Variants in ANKS1B observed in about 807,000 individuals in gnomAD.
The protein encoded by ANKS1B is ankyrin repeat and sterile alpha motif domain containing 1B.
A neutral mutation model predicts 148.3 loss-of-function variants in ANKS1B; 36 were observed. The ratio of observed to expected loss-of-function variants is 0.24; its 90% CI spans 0.19 to 0.32. ANKS1B has a LOEUF of 0.32. Among genes scored for constraint, ANKS1B ranks in the 10% least tolerant of loss-of-function variants. The probability of loss-of-function intolerance (pLI) is 1.00; values close to 1 mark genes in which losing one functional copy is unlikely to be tolerated. For synonymous variants in ANKS1B, 542 were observed against 560.8 expected (o/e 0.97, Z 0.47); for missense variants, 1,157 against 1,542.6 (o/e 0.75, Z 4.19).
chr12:98,740,013 A>G (rs2097790221), downstream of ANKS1B, among the ~76,000 whole-genome samples: 1 of 151,922 alleles, frequency 6.6e-6, no homozygotes. Context: ...CTTTTGAACT[A>G]TCCCGAACTT....
At chr12:99,186,679 A>AAAGGAATAGT (rs1374727402) in intron 14 of ANKS1B, among the ~76,000 whole-genome samples, 1 of 152,184 alleles carries the variant, frequency 6.6e-6, no homozygotes, top group African/African-American at 2.4e-5. Context: ...TAACAAACAG[A>AAAGGAATAGT]AAGGAATAGT....
intron 12 of ANKS1B, among the ~76,000 whole-genome samples, chr12:99,386,655 ATTAATGAT>A (rs1440199737): frequency 1.3e-5 from 2 of 152,210 alleles, no homozygotes; most frequent in East Asian, 3.8e-4. Context: ...CTAGAGTGAA[ATTAATGAT>A]TTTGGAAATG....
intron 15 of ANKS1B, among the ~76,000 whole-genome samples, chr12:99,091,638 T>C (rs1274588266): frequency 6.6e-6 from 1 of 152,232 alleles, no homozygotes; most frequent in African/African-American, 2.4e-5. Context: ...TCCAGATGCA[T>C]ATATCTGTAT....
chr12:99,802,431 T>C (rs893385458), intron 4 of ANKS1B, among the ~76,000 whole-genome samples: 2 of 152,152 alleles, frequency 1.3e-5, no homozygotes, highest in Non-Finnish European at 2.9e-5. Context: ...CTTAATATCT[T>C]ACTTTGACTG....
intron 9 of ANKS1B, among the ~76,000 whole-genome samples, chr12:99,613,148 T>C (rs1276800178): frequency 6.6e-6 from 1 of 152,126 alleles, no homozygotes; most frequent in African/African-American, 2.4e-5. Flanking sequence ...GTAATTTCTA[T>C]TGTTGAGTAA....
chr12:99,581,182 C>T (rs924356646), intron 9 of ANKS1B, among the ~76,000 whole-genome samples: 2 of 152,062 alleles, frequency 1.3e-5, no homozygotes, highest in African/African-American at 4.8e-5. Context: ...GTGATCAAAA[C>T]TGCATGGGTT....
At chr12:99,425,229 T>A (rs1255639883) in intron 11 of ANKS1B, among the ~76,000 whole-genome samples, 1 of 152,032 alleles carries the variant, frequency 6.6e-6, no homozygotes, top group Non-Finnish European at 1.5e-5. Flanking sequence ...TATATTCAGT[T>A]TATTTTGTAG....
chr12:98,798,491 TAA>T (rs770480470), intron 22 of ANKS1B, among the ~76,000 whole-genome samples: 2 of 143,048 alleles, frequency 1.4e-5, no homozygotes, highest in African/African-American at 5.1e-5. Flanking sequence ...TTTAAAAAAA[TAA>T]AAAAAAAAAA....
chr12:99,370,891 C>A (rs558917414), intron 12 of ANKS1B, among the ~76,000 whole-genome samples: 1 of 152,152 alleles, frequency 6.6e-6, no homozygotes, highest in Admixed American at 6.6e-5. Context: ...TACTTCGATG[C>A]ACTCTACTGA....
At chr12:99,672,833 TG>T (rs1490818645) in intron 8 of ANKS1B, among the ~76,000 whole-genome samples, 1 of 152,158 alleles carries the variant, frequency 6.6e-6, no homozygotes, top group Non-Finnish European at 1.5e-5. Flanking sequence ...TAAACTTTCT[TG>T]GGAAACTTCA....
At chr12:99,935,149 A>G (rs988479502) in intron 1 of ANKS1B, among the ~76,000 whole-genome samples, 2 of 152,158 alleles carry the variant, frequency 1.3e-5, no homozygotes, top group African/African-American at 4.8e-5. Context: ...GAAAGATCCT[A>G]TTCACCTACA....
chr12:99,381,397 C>A (rs2093638337), intron 12 of ANKS1B, among the ~76,000 whole-genome samples: 1 of 152,138 alleles, frequency 6.6e-6, no homozygotes, highest in African/African-American at 2.4e-5. Context: ...ATATAAGTGG[C>A]TAAGATCATC....
At chr12:99,766,785 TA>T (rs1383175451) in intron 8 of ANKS1B, among the ~76,000 whole-genome samples, 2 of 152,192 alleles carry the variant, frequency 1.3e-5, no homozygotes, top group Non-Finnish European at 2.9e-5. Context: ...TATGTTCCTA[TA>T]ATAAGCCTCT....
At chr12:99,194,267 T>G (rs982865244) in intron 14 of ANKS1B, among the ~76,000 whole-genome samples, 34 of 152,174 alleles carry the variant, frequency 2.2e-4, no homozygotes, top group African/African-American at 6.3e-4. Context: ...TTGTCTAACA[T>G]AAAGTCTTCA....
chr12:98,781,665 A>T (rs2098738081), intron 23 of ANKS1B, among the ~76,000 whole-genome samples: 2 of 152,218 alleles, frequency 1.3e-5, no homozygotes, highest in Non-Finnish European at 2.9e-5. Flanking sequence ...TTCCAGGCAC[A>T]GATAATGCTT....
chr12:99,802,010 T>C (rs7296733), intron 4 of ANKS1B, among the ~76,000 whole-genome samples: 14,229 of 152,198 alleles, frequency 0.093, 740 homozygotes, highest in South Asian at 0.1. Context: ...AATAGAGATG[T>C]CGTGAAATTA....
intron 12 of ANKS1B, among the ~76,000 whole-genome samples, chr12:99,279,475 AC>A (rs984547703): frequency 6.6e-6 from 1 of 151,634 alleles, no homozygotes; most frequent in Non-Finnish European, 1.5e-5. Flanking sequence ...CACTCTTCCC[AC>A]CCCCAGCCCT....
chr12:99,776,035 T>G (rs1420365221), intron 6 of ANKS1B, among the ~76,000 whole-genome samples: 1 of 152,166 alleles, frequency 6.6e-6, no homozygotes, highest in Non-Finnish European at 1.5e-5. Flanking sequence ...TTTGAATAGA[T>G]TTAATCCCCA....
intron 17 of ANKS1B, among the ~76,000 whole-genome samples, chr12:98,838,265 A>G (rs76076431): frequency 6.6e-6 from 1 of 152,304 alleles, no homozygotes; most frequent in East Asian, 1.9e-4. Flanking sequence ...TCCGTTCTCA[A>G]TGCCATGTTT....
Sources: gnomAD v4.1 joint callset for allele counts (sites outside exome capture counted in the v4.1 genomes callset) on GRCh38, gnomAD v4.1.1 for gene constraint, MANE v1.5 for transcripts, NCBI Gene and HGNC (gene_info 2026-07-23, HGNC 2026-07-21) for gene names.